CEP89: variants seen among roughly 807,000 people sequenced by gnomAD.
CEP89 encodes the protein centrosomal protein of 89 kDa.
In CEP89, 95 loss-of-function variants were observed where a neutral mutation model predicts 97.6. That is an observed-to-expected ratio of 0.97 (90% CI 0.82 to 1.15). The LOEUF (loss-of-function observed/expected upper bound fraction) is 1.15, where lower values mean the gene tolerates loss of function less well. Ranked by LOEUF, CEP89 falls within the 50% of genes most tolerant of loss-of-function variation. The pLI is 0.00. For missense variants in CEP89, 869 were observed against 947.7 expected (o/e 0.92, Z 1.09); for synonymous variants, 354 against 349.1 (o/e 1.01, Z -0.16).
At chr19:32,895,213 G>A (rs1189387941) in intron 16 of CEP89, among the ~76,000 whole-genome samples, 1 of 152,012 alleles carries the variant, frequency 6.6e-6, no homozygotes, top group African/African-American at 2.4e-5. Flanking sequence ...GAACACAGAT[G>A]CAAAATCCTC....
At chr19:32,898,881 TAA>T (rs56965428) in intron 16 of CEP89, among the ~76,000 whole-genome samples, 11 of 127,500 alleles carry the variant, frequency 8.6e-5, no homozygotes, top group Non-Finnish European at 9.8e-5. Flanking sequence ...GACTCCATCT[TAA>T]AAAAAAAAAA....
chr19:32,932,812 T>A (rs1311702312), intron 8 of CEP89, among the ~76,000 whole-genome samples: 12 of 149,594 alleles, frequency 8.0e-5, no homozygotes, highest in Non-Finnish European at 1.5e-4. Flanking sequence ...TAGCCAGGCA[T>A]GATGGCGTTT....
intron 7 of CEP89, among the ~76,000 whole-genome samples, chr19:32,935,633 CGGA>C (rs1472797161): frequency 6.6e-6 from 1 of 152,126 alleles, no homozygotes; most frequent in African/African-American, 2.4e-5. Flanking sequence ...TAATCTGACG[CGGA>C]GGAGACTTAA....
rs1401945973 is a variant in CEP89, at chr19:32,937,653, A to G, written c.645T>C (p.Cys215=). ...TACCTGGGGAGGGTGGAGGTTTCTC[A>G]CATAATGGAGGTTTTTCATCCTAGG... ...LNLKDEKPPL[C]EKPPPSPDIT... Residue 215 remains cysteine, a synonymous_variant, in exon 7 of 19, where the codon TGT becomes TGC. Transcript: ENST00000305768. The G allele has an allele frequency of 1.9e-6, 3 of 1,606,792 alleles. No individual in the cohort carries two copies. The highest frequency in any genetic ancestry group is 2.6e-6 in the Non-Finnish European group (3 of 1,174,862).
rs1287416910 is a variant in CEP89 at position 32,931,441 on chromosome 19, C to A, written c.1017G>T (p.Leu339Phe). The change falls in exon 9 of 19, where the codon TTG becomes TTT. Residue 339 changes from leucine (L) to phenylalanine (F), a missense_variant. Physicochemically the swap from Leu to Phe is conservative, Grantham distance 22. Transcript: ENST00000305768. ...TCGGAAACGTTACCTCTTCCTTGGACAAATGCCTGAATTTTGTCTGATATC... is the reference window on the plus strand; with the variant it reads ...TCGGAAACGTTACCTCTTCCTTGGAAAAATGCCTGAATTTTGTCTGATATC... ...LSRYQTKFRH[L>F]SKEESLNIEG... 1.9e-6 allele frequency: 3 copies of A among 1,581,202 alleles called. No individual in the cohort carries two copies.
chr19:32,913,639 C>CT (rs71301617), intron 14 of CEP89, among the ~76,000 whole-genome samples: 91,078 of 138,182 alleles, frequency 0.66, 30,140 homozygotes, highest in South Asian at 0.77. Context: ...TACACACACA[C>CT]TTTTTTTTTT....
Position 32,927,004 on chromosome 19 carries a change from T to A in CEP89, c.1030-20A>T. On this transcript the variant is annotated intron_variant, in intron 9 of 18. Transcript: ENST00000305768. ...TAAGCTCTAAGAACAAAACATGTAT[T>A]GAAGACAAGTTAAACCACACTTCCT... The A allele has an allele frequency of 6.2e-7, 1 of 1,605,910 alleles. No individual in the cohort carries two copies. The highest frequency in any genetic ancestry group is 8.5e-7 in the Non-Finnish European group (1 of 1,172,834).
rs560651975 is a variant in CEP89, at chr19:32,912,036, G to A, written c.1565+3301C>T. Among the ~76,000 whole-genome samples the A allele has an allele frequency of 6.6e-5, 10 of 151,954 alleles. No individual in the cohort carries two copies. The South Asian group carries it at 8.3e-4, about 13-fold the overall frequency. On this transcript the variant is annotated intron_variant, in intron 14 of 18. Coordinates refer to ENST00000305768, the MANE Select transcript of CEP89 (RefSeq NM_032816.5). ...AAGGCCAGGAGTTCAGGACCAGCTT[G>A]GCCAACAAAATACAAAACTAGCCGG...
intron 5 of CEP89, among the ~76,000 whole-genome samples, chr19:32,944,100 A>T (rs1000275787): frequency 1.3e-5 from 2 of 151,694 alleles, no homozygotes; most frequent in African/African-American, 4.8e-5. Flanking sequence ...GATGATGCAC[A>T]CCTGTAGTCC....
intron 7 of CEP89, chr19:32,937,397 T>G: frequency 2.1e-6 from 1 of 485,302 alleles, no homozygotes; most frequent in Non-Finnish European, 3.7e-6. Context: ...TCCCAGCATA[T>G]CCCACAGGTC....
At chr19:32,923,952 A>G (rs1599744562) in intron 11 of CEP89, among the ~76,000 whole-genome samples, 1 of 152,084 alleles carries the variant, frequency 6.6e-6, no homozygotes, top group Non-Finnish European at 1.5e-5. Context: ...TCCTTAATTA[A>G]AGCTAGATTT....
At position 32,879,336 on chromosome 19, in the gene CEP89, G is replaced by T. The variant is rs757588139; in HGVS notation, c.2178C>A (p.Phe726Leu). 5.0e-6 allele frequency: 8 copies of T among 1,614,128 alleles called. No individual in the cohort carries two copies. The African/African-American group carries it at 8.0e-5, about 16-fold the overall frequency. Residue 726 changes from phenylalanine to leucine, a missense_variant, in exon 19 of 19, where the codon TTC (phenylalanine) becomes TTA (leucine). Physicochemically the swap from Phe to Leu is conservative, Grantham distance 22 (BLOSUM62 0). Transcript: ENST00000305768. Reference protein sequence around the residue: ...GELEVIWESTFRENRRIRELL... With the variant: ...GELEVIWESTLRENRRIRELL... ...GTTCTCGGATTCTTCGGTTTTCCCT[G>T]AAGGTAGATTCCCAAATAACTTCAA... is the stretch of plus-strand genomic sequence containing the variant.
At chr19:32,953,870 T>A (rs1418176597) in intron 3 of CEP89, 69 bp from the exon 4 acceptor site, 37 of 331,904 alleles carry the variant, frequency 1.1e-4, no homozygotes, top group Admixed American at 1.2e-4. Context: ...TAAATATCTT[T>A]TTTTTTTTTT....
Position 32,952,776 on chromosome 19 carries a change from T to C in CEP89, c.492+839A>G, listed in dbSNP as rs189183004. ...AAAAATAGCCAGGCATGGTGGTGTG[T>C]GTCTGTAGTCCCAGCTACTTGGGAG... On this transcript the variant is annotated intron_variant, in intron 4 of 18. Transcript: ENST00000305768. Among the ~76,000 whole-genome samples, 924 of 150,898 alleles carry C rather than the reference T, an allele frequency of 6.1e-3. 7 individuals carry two copies. The highest frequency in any genetic ancestry group is 0.014 in the Middle Eastern group (4 of 290).
chr19:32,920,464 ATTTTG>A (rs910573648), intron 12 of CEP89, among the ~76,000 whole-genome samples: 16 of 151,798 alleles, frequency 1.1e-4, no homozygotes, highest in Admixed American at 2.0e-4. Flanking sequence ...ACTCCCTCTT[ATTTTG>A]TTTTATTTAT....
intron 17 of CEP89, among the ~76,000 whole-genome samples, chr19:32,882,952 G>A (rs752094918): frequency 6.6e-6 from 1 of 151,848 alleles, no homozygotes; most frequent in African/African-American, 2.4e-5. Flanking sequence ...TCCGCCTCCC[G>A]GGTTCACATC....
chr19:32,954,958 C>G (rs1971016555), intron 3 of CEP89, among the ~76,000 whole-genome samples: 1 of 151,586 alleles, frequency 6.6e-6, no homozygotes, highest in Non-Finnish European at 1.5e-5. Context: ...AGCCACCATG[C>G]CTGGCCCCAG....
rs1202571124 is a variant in CEP89, at chr19:32,945,307, T to G, written c.595+2959A>C. Among the ~76,000 whole-genome samples the G allele has an allele frequency of 1.2e-4, 15 of 120,276 alleles. No homozygotes were observed. In the East Asian group the frequency reaches 3.9e-3, roughly 31 times the overall value. The allele number at this position is 120,276 out of a possible 152,430, so 78.9% of individuals were successfully genotyped here. On this transcript the variant is annotated intron_variant, in intron 5 of 18. Coordinates refer to ENST00000305768, the MANE Select transcript of CEP89 (RefSeq NM_032816.5). ...TTCAAAAAAAAAAAAAAAAAAAAAGTACAGACCTCTGGGCCCAGCCCTGAG... is the reference window on the plus strand; with the variant it reads ...TTCAAAAAAAAAAAAAAAAAAAAAGGACAGACCTCTGGGCCCAGCCCTGAG...
intron 2 of CEP89, 27 bp from the exon 3 acceptor site, chr19:32,960,085 C>G: frequency 6.2e-7 from 1 of 1,613,126 alleles, no homozygotes; most frequent in Non-Finnish European, 8.5e-7. Context: ...CCCATGGAGA[C>G]AGTGAGACAT....
Sources: allele counts gnomAD v4.1 joint callset (sites outside exome capture counted in the v4.1 genomes callset), GRCh38; gene constraint gnomAD v4.1.1; transcripts MANE v1.5; gene names NCBI Gene and HGNC (gene_info 2026-07-23, HGNC 2026-07-21).